The following RBPMS variants were observed in gnomAD, a reference collection of about 807,000 sequenced individuals.
RBPMS encodes RNA binding protein, mRNA processing factor.
RBPMS carries 7 observed loss-of-function variants against 26.8 expected under a neutral mutation model. The observed-to-expected ratio is 0.26, with a 90% CI of 0.15 to 0.49. RBPMS has a LOEUF of 0.49. Among genes scored for constraint, RBPMS ranks in the 20% least tolerant of loss-of-function variants. The probability of loss-of-function intolerance (pLI) is 0.98; values close to 1 mark genes in which losing one functional copy is unlikely to be tolerated. For synonymous variants in RBPMS, 96 were observed against 93.3 expected (o/e 1.03, Z -0.17); for missense variants, 186 against 250.0 (o/e 0.74, Z 1.73).
intron 1 of RBPMS, among the ~76,000 whole-genome samples, chr8:30,413,317 C>T (rs528447105): frequency 2.0e-5 from 3 of 152,156 alleles, no homozygotes; most frequent in Non-Finnish European, 4.4e-5. Flanking sequence ...GCAATCCTCC[C>T]ACCTTGGCCT....
At position 30,415,479 on chromosome 8, in the gene RBPMS, A is replaced by T. The variant is rs140618058; in HGVS notation, c.66+30321A>T. Among the ~76,000 whole-genome samples, 427 of 152,324 alleles carry T rather than the reference A, an allele frequency of 2.8e-3. 2 individuals carry two copies. The highest frequency in any genetic ancestry group is 9.5e-3 in the African/African-American group (394 of 41,574). ...CCACTTGCCAGATGGTCTCATCTGCAACTTTCTCCTGCAGACCCTATGCTT... is the reference window on the plus strand; with the variant it reads ...CCACTTGCCAGATGGTCTCATCTGCTACTTTCTCCTGCAGACCCTATGCTT... On this transcript the variant is annotated intron_variant, in intron 1 of 8. Coordinates refer to ENST00000397323, the MANE Select transcript of RBPMS (RefSeq NM_001008710.3).
At chr8:30,436,584 A>G (rs1201888520) in intron 1 of RBPMS, among the ~76,000 whole-genome samples, 1 of 152,146 alleles carries the variant, frequency 6.6e-6, no homozygotes, top group Non-Finnish European at 1.5e-5. Flanking sequence ...TAGCTGTTCT[A>G]TGCAAGAACA....
chr8:30,504,697 A>G (rs1820911326), intron 5 of RBPMS, among the ~76,000 whole-genome samples: 1 of 152,230 alleles, frequency 6.6e-6, no homozygotes, highest in Non-Finnish European at 1.5e-5. Context: ...TTAATGTTAT[A>G]TTGACCATCA....
chr8:30,440,885 T>C (rs1812993113), intron 1 of RBPMS, among the ~76,000 whole-genome samples: 3 of 152,072 alleles, frequency 2.0e-5, no homozygotes. Flanking sequence ...CCTCAAACTC[T>C]TGGGCTCAAG....
chr8:30,389,182 A>G (rs1017156798), intron 1 of RBPMS, among the ~76,000 whole-genome samples: 4 of 152,246 alleles, frequency 2.6e-5, no homozygotes, highest in African/African-American at 9.6e-5. Context: ...AGTTCAATCC[A>G]ATGCAATAAA....
At chr8:30,502,606 T>C (rs1228748928) in intron 4 of RBPMS, among the ~76,000 whole-genome samples, 1 of 152,162 alleles carries the variant, frequency 6.6e-6, no homozygotes, top group Non-Finnish European at 1.5e-5. Flanking sequence ...GTGGTGCAAA[T>C]GAGGAAGTCC....
At chr8:30,566,590 C>G (rs1032316150) in intron 8 of RBPMS, among the ~76,000 whole-genome samples, 1 of 152,224 alleles carries the variant, frequency 6.6e-6, no homozygotes, top group Non-Finnish European at 1.5e-5. Flanking sequence ...ATTTGGTGCT[C>G]ACCATGTCCT....
At chr8:30,550,849 C>T (rs1051483345) in intron 6 of RBPMS, among the ~76,000 whole-genome samples, 10 of 152,192 alleles carry the variant, frequency 6.6e-5, no homozygotes, top group African/African-American at 1.7e-4. Flanking sequence ...TGAATCCCAG[C>T]GACGGAATGG....
At chr8:30,511,549 GTA>G (rs199948509) in intron 5 of RBPMS, among the ~76,000 whole-genome samples, 31,132 of 126,220 alleles carry the variant, frequency 0.25, 4,442 homozygotes, top group East Asian at 0.41. Flanking sequence ...GTGTGTGTGT[GTA>G]TGTATAGATA....
intron 4 of RBPMS, among the ~76,000 whole-genome samples, chr8:30,484,129 CAT>C (rs1489145017): frequency 6.6e-6 from 1 of 152,082 alleles, no homozygotes; most frequent in African/African-American, 2.4e-5. Flanking sequence ...ATGTGGTGAT[CAT>C]ATGTTAGCTT....
At chr8:30,533,233 A>C (rs1312366256) in intron 5 of RBPMS, among the ~76,000 whole-genome samples, 1 of 152,170 alleles carries the variant, frequency 6.6e-6, no homozygotes, top group African/African-American at 2.4e-5. Context: ...CACTGCGATC[A>C]TGGAGTATGC....
Position 30,498,106 on chromosome 8 carries a change from A to C in RBPMS, c.247-6180A>C, listed in dbSNP as rs1256718112. Among the ~76,000 whole-genome samples, 4 of 151,342 alleles carry C rather than the reference A, an allele frequency of 2.6e-5. No homozygotes were observed. The East Asian group carries it at 7.7e-4, about 29-fold the overall frequency. ...CTTACTATTTTTATCCTATAGTAAAAGGCAGTTTCATCTAGTTCAGTACAT... is the reference window on the plus strand; with the variant it reads ...CTTACTATTTTTATCCTATAGTAAACGGCAGTTTCATCTAGTTCAGTACAT... On this transcript the variant is annotated intron_variant, in intron 4 of 8. Transcript: ENST00000397323.
chr8:30,571,071 CTG>C lies in RBPMS; in HGVS notation c.*549_*550del, dbSNP rs566245298. Reference sequence around the variant, plus strand: ...AATTGTATTGTGAATATATAGAAATCTGTGCCTGGCCGGAGTCCAGGGTAAAT... The same window carrying C: ...AATTGTATTGTGAATATATAGAAATCTGCCTGGCCGGAGTCCAGGGTAAAT... On this transcript the variant is annotated 3_prime_UTR_variant, in exon 9 of 9. Transcript: ENST00000397323. 3.8e-4 allele frequency: 58 copies of C among 151,856 alleles called. No homozygotes were observed. Among genetic ancestry groups the C allele is most frequent in the African/African-American group, 1.3e-3 (55 of 41,166 alleles). The allele number at this position is 151,856 out of a possible 1,614,324, so 9.4% of individuals were successfully genotyped here. A position where few individuals can be genotyped will look rare whatever the true frequency, so the allele number is the denominator to read the frequency against.
At chr8:30,556,674 C>G (rs993576006) in intron 6 of RBPMS, 4 of 985,850 alleles carry the variant, frequency 4.1e-6, no homozygotes, top group Non-Finnish European at 4.8e-6. Context: ...AGCCCCCCAC[C>G]TGCCATGGGG....
intron 1 of RBPMS, among the ~76,000 whole-genome samples, chr8:30,461,783 A>G (rs7010539): frequency 0.66 from 101,050 of 152,022 alleles, 34,252 homozygotes; most frequent in Middle Eastern, 0.79. Flanking sequence ...CTGTAGCACA[A>G]TGTCACAATC....
At chr8:30,460,922 A>G (rs1815807961) in intron 1 of RBPMS, among the ~76,000 whole-genome samples, 1 of 152,062 alleles carries the variant, frequency 6.6e-6, no homozygotes, top group African/African-American at 2.4e-5. Flanking sequence ...ATGGTGGCAT[A>G]TACTTGTGGT....
chr8:30,494,832 A>G (rs1484870719), intron 4 of RBPMS, among the ~76,000 whole-genome samples: 2 of 152,228 alleles, frequency 1.3e-5, no homozygotes, highest in Non-Finnish European at 2.9e-5. Flanking sequence ...GGGGGCAGAC[A>G]TGAGGTTTTC....
chr8:30,494,247 C>T (rs1417870443), intron 4 of RBPMS, among the ~76,000 whole-genome samples: 1 of 152,226 alleles, frequency 6.6e-6, no homozygotes, highest in Non-Finnish European at 1.5e-5. Flanking sequence ...GCTGCTTTCT[C>T]CCAATTGGGG....
At chr8:30,385,846 T>A (rs926199439) in intron 1 of RBPMS, among the ~76,000 whole-genome samples, 1 of 152,086 alleles carries the variant, frequency 6.6e-6, no homozygotes, top group Non-Finnish European at 1.5e-5. Context: ...AGCATGCATT[T>A]TAGGTGGTGC....
Sources: gnomAD v4.1 joint callset for allele counts (sites outside exome capture counted in the v4.1 genomes callset) on GRCh38, gnomAD v4.1.1 for gene constraint, MANE v1.5 for transcripts, NCBI Gene and HGNC (gene_info 2026-07-23, HGNC 2026-07-21) for gene names.